The following ROS1 variants were observed in gnomAD, a reference collection of about 807,000 sequenced individuals.
ROS1 encodes proto-oncogene tyrosine-protein kinase ROS.
ROS1 carries 263 observed loss-of-function variants against 273.5 expected under a neutral mutation model. The observed-to-expected ratio is 0.96, with a 90% CI of 0.87 to 1.06. ROS1 has a LOEUF of 1.06. Among genes scored for constraint, ROS1 ranks in the 50% least tolerant of loss-of-function variants. ROS1 has a pLI of 0.00. For synonymous variants in ROS1, 1,008 were observed against 954.1 expected (o/e 1.06, Z -1.04); for missense variants, 2,833 against 2,751.1 (o/e 1.03, Z -0.67).
Position 117,404,280 on chromosome 6 carries a change from C to T in ROS1, c.465G>A (p.Lys155=). ...GAGGTACAAAGGCAGCCTTTCATACCTTAGTATAAGTCCAGCTTCCCAGAA... is the reference window on the plus strand; with the variant it reads ...GAGGTACAAAGGCAGCCTTTCATACTTTAGTATAAGTCCAGCTTCCCAGAA... ...AQLLGSWTYT[K]TVSRPSYVVK... is the part of the protein sequence containing the mutation. Residue 155 remains lysine, a splice_region_variant and synonymous_variant, in exon 6 of 44, where the codon AAG becomes AAA. Coordinates refer to ENST00000368507, the MANE Select transcript of ROS1 (RefSeq NM_001378902.1). The T allele has an allele frequency of 6.2e-7, 1 of 1,613,672 alleles. No individual in the cohort carries two copies. The highest frequency in any genetic ancestry group is 8.5e-7 in the Non-Finnish European group (1 of 1,179,804).
At chr6:117,379,557 C>T (rs573270467) in intron 17 of ROS1, among the ~76,000 whole-genome samples, 4 of 152,214 alleles carry the variant, frequency 2.6e-5, no homozygotes, top group African/African-American at 9.6e-5. Context: ...GTAGTGGTAA[C>T]TCTGGCCTAT....
intron 27 of ROS1, among the ~76,000 whole-genome samples, chr6:117,346,507 G>T: frequency 6.6e-6 from 1 of 151,218 alleles, no homozygotes; most frequent in South Asian, 2.1e-4. Flanking sequence ...GAGCGTGTTT[G>T]TGTATGTGGC....
At position 117,312,383 on chromosome 6, in the gene ROS1, G is replaced by A. The variant is rs533054207; in HGVS notation, c.6118-1266C>T. 8.1e-4 allele frequency among the ~76,000 whole-genome samples: 124 copies of A among 152,162 alleles called. No homozygotes were observed. In the Middle Eastern group the frequency reaches 0.014, roughly 17 times the overall value. ...CTAGGAATAATCCTGATGTTCTGGG[G>A]CTCACTATTGCCATGGTTCTGCTCA... is the stretch of plus-strand genomic sequence containing the variant. On this transcript the variant is annotated intron_variant, in intron 39 of 43. Transcript: ENST00000368507.
At chr6:117,299,350 T>G (rs913579733) in intron 43 of ROS1, 1 of 152,204 alleles carries the variant, frequency 6.6e-6, no homozygotes, top group Non-Finnish European at 1.5e-5. Flanking sequence ...AGTGCATCAC[T>G]CAAGGTGAAG....
intron 1 of ROS1, among the ~76,000 whole-genome samples, chr6:117,421,118 G>T (rs567554817): frequency 6.7e-6 from 1 of 150,010 alleles, no homozygotes; most frequent in Non-Finnish European, 1.5e-5. Context: ...TTCTGTGGTT[G>T]CTGTGAGGTT....
In ROS1 at chr6:117,356,748, G is replaced by T. The variant is rs1456727448; in HGVS notation, c.4007C>A (p.Ala1336Asp). 1 of 1,614,090 alleles carries T rather than the reference G, an allele frequency of 6.2e-7. No homozygotes were observed. The highest frequency in any genetic ancestry group is 1.7e-5 in the Admixed American group (1 of 60,016). The change falls in exon 26 of 44, where the codon GCT becomes GAT. Residue 1336 changes from alanine to aspartate, a missense_variant. Transcript: ENST00000368507. ...TTTCTCTAGGTTAGAGGTATCAATA[G>T]CCATTGCTCCACTTAACTCAAATTC... ...VTEFELSGAM[A>D]IDTSNLEKPL...
At chr6:117,378,350 A>G (rs545800818) in intron 18 of ROS1, among the ~76,000 whole-genome samples, 1 of 152,344 alleles carries the variant, frequency 6.6e-6, no homozygotes, top group East Asian at 1.9e-4. Flanking sequence ...AAAAACTAGT[A>G]CACATAACAA....
At chr6:117,288,865 A>T in intron 43 of ROS1, 63 bp from the exon 44 acceptor site, 1 of 1,306,222 alleles carries the variant, frequency 7.7e-7, no homozygotes, top group Non-Finnish European at 1.0e-6. Context: ...AATAATATAC[A>T]AGCTATATCA....
intron 9 of ROS1, among the ~76,000 whole-genome samples, chr6:117,395,740 T>C (rs1469684527): frequency 2.0e-5 from 3 of 152,094 alleles, no homozygotes; most frequent in South Asian, 2.1e-4. Context: ...TGAATACTTA[T>C]ATAGTAAAAT....
rs114831482 is a variant in ROS1 at position 117,381,926 on chromosome 6, C to T, written c.2481+1391G>A. ...GTAAGAAGGATGAATTTCCCCCAAA[C>T]ATGCTGAGATGACTCACTCATTTAT... On this transcript the variant is annotated intron_variant, in intron 17 of 43. Transcript: ENST00000368507. Among the ~76,000 whole-genome samples the T allele has an allele frequency of 3.2e-3, 480 of 152,248 alleles. 2 individuals are homozygous for T. Among genetic ancestry groups the T allele is most frequent in the African/African-American group, 0.011 (456 of 41,548 alleles).
intron 22 of ROS1, among the ~76,000 whole-genome samples, chr6:117,361,419 G>T (rs1026899311): frequency 6.9e-6 from 1 of 144,704 alleles, no homozygotes; most frequent in African/African-American, 2.6e-5. Flanking sequence ...ATTTATAATG[G>T]TGCATATATA....
At chr6:117,402,200 TA>T (rs921444039) in intron 7 of ROS1, among the ~76,000 whole-genome samples, 53 of 152,302 alleles carry the variant, frequency 3.5e-4, no homozygotes, top group African/African-American at 1.3e-3. Flanking sequence ...TCTCTGACCT[TA>T]GCTGTTACTC....
At chr6:117,357,561 T>C (rs1779425936) in intron 25 of ROS1, among the ~76,000 whole-genome samples, 2 of 152,252 alleles carry the variant, frequency 1.3e-5, no homozygotes, top group South Asian at 2.1e-4. Flanking sequence ...AAATCTGCTA[T>C]TGTTTCCTTT....
chr6:117,411,761 T>C (rs9401006), intron 4 of ROS1, among the ~76,000 whole-genome samples: 85,422 of 151,988 alleles, frequency 0.56, 25,348 homozygotes, highest in African/African-American at 0.76. Context: ...AACAATTGGC[T>C]TTTTTCATGC....
intron 41 of ROS1, among the ~76,000 whole-genome samples, chr6:117,309,815 C>G (rs905747127): frequency 1.3e-5 from 2 of 152,056 alleles, no homozygotes; most frequent in Non-Finnish European, 2.9e-5. Context: ...TAGTCATAGG[C>G]TTTTACATCT....
chr6:117,371,758 C>T (rs1329806712), intron 18 of ROS1, among the ~76,000 whole-genome samples: 1 of 152,164 alleles, frequency 6.6e-6, no homozygotes, highest in Non-Finnish European at 1.5e-5. Flanking sequence ...GCCTTTCAGG[C>T]TGTGTGGGAG....
At chr6:117,393,195 G>A in intron 12 of ROS1, 29 bp downstream of exon 12, 1 of 1,247,358 alleles carries the variant, frequency 8.0e-7, no homozygotes, top group South Asian at 1.2e-5. Flanking sequence ...CAATGGAAGA[G>A]AATTCATCTT....
intron 4 of ROS1, among the ~76,000 whole-genome samples, chr6:117,413,370 T>C (rs1321816): frequency 0.58 from 87,588 of 152,048 alleles, 27,063 homozygotes; most frequent in African/African-American, 0.81. Context: ...GTAGCTGGGA[T>C]TACAGGTGCA....
chr6:117,329,886 TC>T (rs1427485838), intron 32 of ROS1, among the ~76,000 whole-genome samples: 1 of 152,148 alleles, frequency 6.6e-6, no homozygotes, highest in Non-Finnish European at 1.5e-5. Flanking sequence ...AGGCCTAGCA[TC>T]CCAACCCTAG....
Sources: gnomAD v4.1 joint callset for allele counts (sites outside exome capture counted in the v4.1 genomes callset) on GRCh38, gnomAD v4.1.1 for gene constraint, MANE v1.5 for transcripts, NCBI Gene and HGNC (gene_info 2026-07-23, HGNC 2026-07-21) for gene names.